Variants in PTPRM observed in about 807,000 individuals in gnomAD.
The protein encoded by PTPRM is protein tyrosine phosphatase receptor type M, also known as receptor-type tyrosine-protein phosphatase mu.
PTPRM carries 47 observed loss-of-function variants against 186.7 expected under a neutral mutation model. The ratio of observed to expected loss-of-function variants is 0.25; its 90% CI spans 0.20 to 0.32. The LOEUF is 0.32. PTPRM is among the 10% of genes least tolerant of loss of function. The probability of loss-of-function intolerance (pLI) is 1.00; values close to 1 mark genes in which losing one functional copy is unlikely to be tolerated. For missense variants in PTPRM, 1,494 were observed against 1,865.0 expected (o/e 0.80, Z 3.66); for synonymous variants, 668 against 674.9 (o/e 0.99, Z 0.16).
chr18:8,327,644 C>T (rs1418674088), intron 22 of PTPRM, among the ~76,000 whole-genome samples: 1 of 152,132 alleles, frequency 6.6e-6, no homozygotes, highest in Non-Finnish European at 1.5e-5. Flanking sequence ...TCATGTTGGC[C>T]CGGCAAAGCC....
At chr18:8,126,875 A>G (rs1012895314) in intron 13 of PTPRM, among the ~76,000 whole-genome samples, 1 of 152,140 alleles carries the variant, frequency 6.6e-6, no homozygotes, top group Non-Finnish European at 1.5e-5. Flanking sequence ...AATTGCAGAA[A>G]GGTCATCATG....
chr18:7,677,777 T>A (rs2039380879), intron 1 of PTPRM, among the ~76,000 whole-genome samples: 1 of 152,138 alleles, frequency 6.6e-6, no homozygotes, highest in African/African-American at 2.4e-5. Context: ...TCTGCCTAAA[T>A]GCTGCCTTAT....
At position 8,240,681 on chromosome 18, in the gene PTPRM, A is replaced by C. The variant is rs578045575; in HGVS notation, c.2301-3377A>C. Among the ~76,000 whole-genome samples the C allele has an allele frequency of 2.3e-5, 2 of 87,460 alleles. 1 individual carries two copies. The highest frequency in any genetic ancestry group is 4.8e-5 in the Non-Finnish European group (2 of 41,440). The allele number at this position is 87,460 out of a possible 152,430, so 57.4% of individuals were successfully genotyped here. On this transcript the variant is annotated intron_variant, in intron 14 of 32. Transcript: ENST00000580170. The stretch of plus-strand genomic sequence containing the variant: ...AGAAAGAAAGAAAGAAAGAAAGAAA[A>C]AGAAAGAGAGAAAGAGAGAAAGAAA...
chr18:7,910,542 A>G (rs1048027283), intron 4 of PTPRM, among the ~76,000 whole-genome samples: 1 of 152,228 alleles, frequency 6.6e-6, no homozygotes, highest in Admixed American at 6.5e-5. Context: ...TAAGTGAAGT[A>G]GTGGCCGATG....
chr18:7,975,205 G>C (rs984261377), intron 7 of PTPRM, among the ~76,000 whole-genome samples: 2 of 152,146 alleles, frequency 1.3e-5, no homozygotes, highest in African/African-American at 2.4e-5. Flanking sequence ...AAAACAGGTG[G>C]GCAGTTTCTT....
intron 1 of PTPRM, among the ~76,000 whole-genome samples, chr18:7,685,062 T>C (rs2039569074): frequency 6.6e-6 from 1 of 152,228 alleles, no homozygotes; most frequent in Non-Finnish European, 1.5e-5. Context: ...ATTATTATGC[T>C]TATGATGATA....
chr18:8,183,637 G>A (rs562041090), intron 14 of PTPRM, among the ~76,000 whole-genome samples: 11 of 152,022 alleles, frequency 7.2e-5, no homozygotes, highest in Non-Finnish European at 1.3e-4. Flanking sequence ...GTTAACCAAT[G>A]GGAGGAATAA....
intron 5 of PTPRM, among the ~76,000 whole-genome samples, chr18:7,937,142 C>T (rs550038674): frequency 2.0e-5 from 3 of 152,270 alleles, no homozygotes; most frequent in Admixed American, 1.3e-4. Flanking sequence ...ACTCGGGACC[C>T]ACCAAATGGC....
intron 7 of PTPRM, among the ~76,000 whole-genome samples, chr18:8,045,043 G>C (rs553699951): frequency 6.6e-6 from 1 of 152,234 alleles, no homozygotes; most frequent in Non-Finnish European, 1.5e-5. Flanking sequence ...GAAAACATAT[G>C]TCCACACAAA....
intron 1 of PTPRM, among the ~76,000 whole-genome samples, chr18:7,653,186 G>C (rs544157304): frequency 6.6e-6 from 1 of 151,082 alleles, no homozygotes; most frequent in East Asian, 2.0e-4. Flanking sequence ...TCACTCTGTT[G>C]CCCAGGTGGG....
chr18:7,976,716 G>T (rs1482709793), intron 7 of PTPRM, among the ~76,000 whole-genome samples: 2 of 152,156 alleles, frequency 1.3e-5, no homozygotes, highest in Admixed American at 6.5e-5. Flanking sequence ...AGGGTTTGGG[G>T]AACTACTGGA....
intron 7 of PTPRM, among the ~76,000 whole-genome samples, chr18:8,028,898 G>C (rs1010187882): frequency 1.3e-5 from 2 of 152,182 alleles, no homozygotes; most frequent in Middle Eastern, 3.2e-3. Context: ...CATCTCAAAT[G>C]CTGGCAAAGT....
chr18:7,908,061 A>G (rs2050082990), intron 4 of PTPRM, among the ~76,000 whole-genome samples: 1 of 152,134 alleles, frequency 6.6e-6, no homozygotes. Context: ...CTACTGGTGC[A>G]GTGTTGAGAG....
intron 1 of PTPRM, among the ~76,000 whole-genome samples, chr18:7,759,304 A>G (rs905129543): frequency 3.3e-5 from 5 of 152,234 alleles, no homozygotes; most frequent in Non-Finnish European, 5.9e-5. Context: ...AATATCTCAA[A>G]GAGAGATCCA....
At chr18:8,328,533 A>G (rs2095392636) in intron 22 of PTPRM, among the ~76,000 whole-genome samples, 1 of 152,220 alleles carries the variant, frequency 6.6e-6, no homozygotes, top group South Asian at 2.1e-4. Context: ...AGTGAGTTGT[A>G]GGTTATGTTT....
At chr18:7,784,129 T>C (rs1168763336) in intron 2 of PTPRM, among the ~76,000 whole-genome samples, 4 of 152,034 alleles carry the variant, frequency 2.6e-5, no homozygotes, top group African/African-American at 9.7e-5. Flanking sequence ...GGGTCCCCCA[T>C]AAAAAAGTAG....
At chr18:7,791,477 A>G (rs1008229818) in intron 2 of PTPRM, among the ~76,000 whole-genome samples, 4 of 152,166 alleles carry the variant, frequency 2.6e-5, no homozygotes, top group Admixed American at 1.3e-4. Context: ...CCTGGTTGAA[A>G]AGGACTCTGC....
chr18:7,889,578 A>T (rs762958339), intron 3 of PTPRM, among the ~76,000 whole-genome samples: 16 of 151,970 alleles, frequency 1.1e-4, no homozygotes, highest in Non-Finnish European at 2.1e-4. Context: ...GTCGCAGGTG[A>T]TCCTGCCACC....
chr18:8,047,935 C>T (rs1402987570), intron 7 of PTPRM, among the ~76,000 whole-genome samples: 1 of 152,122 alleles, frequency 6.6e-6, no homozygotes, highest in Non-Finnish European at 1.5e-5. Flanking sequence ...TCTTGAAGGA[C>T]TACGGAACAG....
Sources: gnomAD v4.1 joint callset for allele counts (sites outside exome capture counted in the v4.1 genomes callset) on GRCh38, gnomAD v4.1.1 for gene constraint, MANE v1.5 for transcripts, NCBI Gene and HGNC (gene_info 2026-07-23, HGNC 2026-07-21) for gene names.